Variants in DNAJC18 observed in about 807,000 individuals in gnomAD.
DNAJC18 encodes the protein DnaJ heat shock protein family (Hsp40) member C18.
In DNAJC18, 40 loss-of-function variants were observed where a neutral mutation model predicts 48.6. The observed-to-expected ratio is 0.82, with a 90% CI of 0.64 to 1.07. DNAJC18 has a LOEUF of 1.07. Among genes scored for constraint, DNAJC18 ranks in the 50% least tolerant of loss-of-function variants. DNAJC18 has a pLI of 0.00. For missense variants in DNAJC18, 340 were observed against 427.7 expected, an observed-to-expected ratio of 0.79 and a Z score of 1.81; for synonymous variants, 135 against 152.2, an observed-to-expected ratio of 0.89 and a Z score of 0.83.
chr5:139,435,150 C>T (rs569584997), intron 2 of DNAJC18, among the ~76,000 whole-genome samples: 2 of 152,114 alleles, frequency 1.3e-5, no homozygotes, highest in South Asian at 2.1e-4. Flanking sequence ...CACAAGGTCA[C>T]GAGACCATCC....
intron 7 of DNAJC18, among the ~76,000 whole-genome samples, chr5:139,416,001 C>T (rs1438017621): frequency 1.3e-5 from 2 of 152,102 alleles, no homozygotes; most frequent in Non-Finnish European, 2.9e-5. Context: ...TATCACATTG[C>T]TTTTCATAAA....
intron 4 of DNAJC18, 137 bp from the exon 5 acceptor site, chr5:139,425,251 CTTCCTGGGTT>C: frequency 1.8e-6 from 1 of 560,896 alleles, no homozygotes; most frequent in Non-Finnish European, 3.1e-6. Flanking sequence ...GCAACCTCTG[CTTCCTGGGTT>C]CAAGCGATTC....
At chr5:139,415,398 C>A (rs567004332) in intron 7 of DNAJC18, among the ~76,000 whole-genome samples, 1 of 152,186 alleles carries the variant, frequency 6.6e-6, no homozygotes, top group South Asian at 2.1e-4. Context: ...CAAGTAAGGC[C>A]CAAAGTGCAG....
intron 5 of DNAJC18, among the ~76,000 whole-genome samples, chr5:139,424,710 C>A (rs971926013): frequency 9.7e-6 from 1 of 102,660 alleles, no homozygotes; most frequent in African/African-American, 4.1e-5. Context: ...ACAGTGAGAC[C>A]CTCTCTCAAA....
intron 2 of DNAJC18, among the ~76,000 whole-genome samples, chr5:139,435,705 G>GTTTGTTTTTTTTTTTTTTTTTTTTTTTT (rs1750628097): frequency 2.4e-5 from 1 of 41,194 alleles, no homozygotes; most frequent in African/African-American, 1.1e-4. Context: ...TTCATTGGAA[G>GTTTGTTTTTTTTTTTTTTTTTTTTTTTT]TTTTTTTTTT....
At chr5:139,435,088 C>G (rs565943812) in intron 2 of DNAJC18, among the ~76,000 whole-genome samples, 1 of 151,864 alleles carries the variant, frequency 6.6e-6, no homozygotes, top group African/African-American at 2.4e-5. Flanking sequence ...GGGCTGGGCG[C>G]AGTGGCTCAC....
intron 7 of DNAJC18, among the ~76,000 whole-genome samples, chr5:139,415,154 G>A (rs1293168993): frequency 6.6e-6 from 1 of 152,108 alleles, no homozygotes; most frequent in East Asian, 1.9e-4. Context: ...GACCAGACTT[G>A]TAAAAATGCT....
chr5:139,438,515 C>T (rs1162525970), intron 1 of DNAJC18, among the ~76,000 whole-genome samples: 1 of 152,056 alleles, frequency 6.6e-6, no homozygotes, highest in Non-Finnish European at 1.5e-5. Flanking sequence ...ACAACACCTG[C>T]AGAATGTAAA....
chr5:139,423,529 A>G (rs1759186518), intron 5 of DNAJC18, among the ~76,000 whole-genome samples: 1 of 151,844 alleles, frequency 6.6e-6, no homozygotes, highest in Non-Finnish European at 1.5e-5. Flanking sequence ...AGCTGGGACC[A>G]CAGGTGCACA....
At chr5:139,419,946 TA>T in intron 7 of DNAJC18, 106 bp downstream of exon 7, 1 of 1,173,786 alleles carries the variant, frequency 8.5e-7, no homozygotes, top group Non-Finnish European at 1.2e-6. Flanking sequence ...TCTGTTCACA[TA>T]AACATGCGTA....
rs753478839 is a variant in DNAJC18, at chr5:139,426,201, T to C, written c.530A>G (p.Asn177Ser). The part of the protein sequence containing the change: ...EADITPEELF[N>S]VFFGGHFPTG... ...AGGAAAATGTCCTCCAAAGAAGACG[T>C]TGAACAGCTCTTCTGGAGTGATGTC... Residue 177 changes from asparagine to serine, a missense_variant, in exon 4 of 8, where the codon AAC (asparagine) becomes AGC (serine). Physicochemically the swap from Asn to Ser is conservative, Grantham distance 46 (BLOSUM62 1). Transcript: ENST00000302060. 34 of 1,614,090 alleles carry C rather than the reference T, an allele frequency of 2.1e-5. No homozygotes were observed. Among genetic ancestry groups the C allele is most frequent in the Middle Eastern group, 1.6e-4 (1 of 6,084 alleles).
chr5:139,423,719 ATATAATGG>A (rs1184853999), intron 5 of DNAJC18, among the ~76,000 whole-genome samples: 8 of 151,726 alleles, frequency 5.3e-5, no homozygotes, highest in African/African-American at 1.9e-4. Context: ...ATTGTCAAAT[ATATAATGG>A]TATAATGCAA....
chr5:139,414,720 C>T (rs1581411930), intron 7 of DNAJC18, among the ~76,000 whole-genome samples: 2 of 152,350 alleles, frequency 1.3e-5, no homozygotes, highest in East Asian at 3.9e-4. Flanking sequence ...TGCGAAGGCA[C>T]ACAGAGCCTA....
At chr5:139,425,971 G>C (rs996367298) in intron 4 of DNAJC18, among the ~76,000 whole-genome samples, 1 of 152,142 alleles carries the variant, frequency 6.6e-6, no homozygotes. Context: ...AGAGGAAACA[G>C]GGTCAGAGAG....
At chr5:139,429,789 T>C (rs769140563) in intron 2 of DNAJC18, among the ~76,000 whole-genome samples, 1 of 152,056 alleles carries the variant, frequency 6.6e-6, no homozygotes, top group Non-Finnish European at 1.5e-5. Flanking sequence ...TAGCCAGGCA[T>C]GGTGCCTTGC....
In DNAJC18 at chr5:139,437,408, G is replaced by C; in HGVS notation, c.191C>G (p.Ser64Cys). Residue 64 changes from serine (S) to cysteine (C), a missense_variant, in exon 2 of 8, where the codon TCC becomes TGC. Ser to Cys is a moderately radical substitution (Grantham distance 112). Transcript: ENST00000302060. ...WTQTRQGEGN[S>C]TYSEEQLLGV... ...AAGCAGCTGTTCCTCACTATACGTG[G>C]AGTTCCCCTCACCCTGCCGGGTCTG... is the stretch of plus-strand genomic sequence containing the variant. 1 of 1,613,690 alleles carries C rather than the reference G, an allele frequency of 6.2e-7. No individual in the cohort carries two copies. Among genetic ancestry groups the C allele is most frequent in the Non-Finnish European group, 8.5e-7 (1 of 1,179,850 alleles).
chr5:139,434,808 GTGGATGTAGTTTT>G, intron 2 of DNAJC18, among the ~76,000 whole-genome samples: 1 of 152,050 alleles, frequency 6.6e-6, no homozygotes, highest in Non-Finnish European at 1.5e-5. Context: ...CATGTCATCT[GTGGATGTAGTTTT>G]ACTCTTCTTT....
chr5:139,435,024 C>T (rs769645275), intron 2 of DNAJC18, among the ~76,000 whole-genome samples: 1 of 151,974 alleles, frequency 6.6e-6, no homozygotes, highest in South Asian at 2.1e-4. Flanking sequence ...TTTATCAGGT[C>T]GAGGAAGTTC....
chr5:139,433,459 A>AC (rs1350470088), intron 2 of DNAJC18, among the ~76,000 whole-genome samples: 4 of 151,972 alleles, frequency 2.6e-5, no homozygotes, highest in African/African-American at 9.7e-5. Flanking sequence ...AAAAAAAAAA[A>AC]CAAAACTGGA....
Sources: allele counts gnomAD v4.1 joint callset (sites outside exome capture counted in the v4.1 genomes callset), GRCh38; gene constraint gnomAD v4.1.1; transcripts MANE v1.5; gene names NCBI Gene and HGNC (gene_info 2026-07-23, HGNC 2026-07-21).